Variants in CEP128 observed in about 807,000 individuals in gnomAD.
The protein encoded by CEP128 is centrosomal protein 128kDa.
Under a neutral mutation model 156.7 loss-of-function variants are expected in CEP128, and 132 were observed. That is an observed-to-expected ratio of 0.84 (90% confidence interval 0.73 to 0.97). CEP128 has a LOEUF of 0.97. Ranked by LOEUF, CEP128 falls within the 50% of genes least tolerant of loss-of-function variation. CEP128 has a pLI of 0.00. For synonymous variants in CEP128, 469 were observed against 448.9 expected (o/e 1.04, Z -0.57); for missense variants, 1,252 against 1,281.9 (o/e 0.98, Z 0.36).
chr14:80,881,081 G>A (rs1271632658), intron 8 of CEP128, among the ~76,000 whole-genome samples: 3 of 148,226 alleles, frequency 2.0e-5, no homozygotes, highest in Non-Finnish European at 4.5e-5. Flanking sequence ...AAAGATCAGA[G>A]TAGAAATAAA....
intron 19 of CEP128, among the ~76,000 whole-genome samples, chr14:80,586,012 C>T (rs543168412): frequency 2.6e-4 from 40 of 152,136 alleles, no homozygotes; most frequent in African/African-American, 8.4e-4. Flanking sequence ...CCAGAGATAA[C>T]GGGTCAGTTT....
chr14:80,675,777 A>T (rs994918378), intron 19 of CEP128, among the ~76,000 whole-genome samples: 1 of 152,040 alleles, frequency 6.6e-6, no homozygotes, highest in Non-Finnish European at 1.5e-5. Context: ...CATACTTTTA[A>T]ATATTTTCCC....
At chr14:80,636,859 G>A (rs1254802361) in intron 19 of CEP128, among the ~76,000 whole-genome samples, 2 of 152,056 alleles carry the variant, frequency 1.3e-5, no homozygotes, top group Non-Finnish European at 2.9e-5. Context: ...GGCCAACACG[G>A]GCAGATCACC....
At chr14:80,918,217 T>C (rs1054554716) in intron 2 of CEP128, among the ~76,000 whole-genome samples, 3 of 152,252 alleles carry the variant, frequency 2.0e-5, no homozygotes, top group Non-Finnish European at 1.5e-5. Flanking sequence ...GTATTTTCTT[T>C]AGAAGACAAG....
chr14:80,814,840 C>T (rs1884756960), intron 13 of CEP128, among the ~76,000 whole-genome samples: 1 of 152,158 alleles, frequency 6.6e-6, no homozygotes. Context: ...AGGCAAATCA[C>T]GAGGTCAGGA....
At chr14:80,505,458 A>G (rs920507843) in intron 23 of CEP128, among the ~76,000 whole-genome samples, 1 of 152,222 alleles carries the variant, frequency 6.6e-6, no homozygotes, top group African/African-American at 2.4e-5. Flanking sequence ...ACTGTGAGAA[A>G]TATCTTTAAA....
intron 20 of CEP128, among the ~76,000 whole-genome samples, chr14:80,576,163 G>A (rs191107527): frequency 3.9e-4 from 59 of 152,132 alleles, no homozygotes; most frequent in Non-Finnish European, 6.6e-4. Flanking sequence ...AACACCTACC[G>A]CTATTAGCCA....
chr14:80,513,956 G>T (rs968652596), intron 23 of CEP128, among the ~76,000 whole-genome samples: 1 of 152,050 alleles, frequency 6.6e-6, no homozygotes, highest in Non-Finnish European at 1.5e-5. Flanking sequence ...TAAAAGCCTA[G>T]CACCTTTTAA....
At chr14:80,871,077 A>G (rs1888003925) in intron 8 of CEP128, among the ~76,000 whole-genome samples, 1 of 152,088 alleles carries the variant, frequency 6.6e-6, no homozygotes, top group Non-Finnish European at 1.5e-5. Flanking sequence ...GAAGTCAGCA[A>G]TGTAAAATCT....
intron 19 of CEP128, among the ~76,000 whole-genome samples, chr14:80,716,681 T>A (rs558240213): frequency 1.2e-4 from 18 of 152,358 alleles, no homozygotes; most frequent in African/African-American, 4.3e-4. Flanking sequence ...TCCTTAAGGC[T>A]GTTGTAAACA....
At chr14:80,698,063 T>G (rs1896948582) in intron 19 of CEP128, among the ~76,000 whole-genome samples, 1 of 152,056 alleles carries the variant, frequency 6.6e-6, no homozygotes, top group Non-Finnish European at 1.5e-5. Context: ...TGACTTTGTA[T>G]TATATTAAAT....
chr14:80,745,373 G>A (rs1899046888), intron 18 of CEP128, among the ~76,000 whole-genome samples: 3 of 152,200 alleles, frequency 2.0e-5, no homozygotes, highest in South Asian at 2.1e-4. Flanking sequence ...CCAGTCTCAG[G>A]TAGTTCTTTG....
intron 21 of CEP128, among the ~76,000 whole-genome samples, chr14:80,555,369 T>C (rs999029618): frequency 7.9e-5 from 12 of 152,140 alleles, no homozygotes; most frequent in Non-Finnish European, 1.5e-4. Flanking sequence ...AAATAATTTT[T>C]GTTCACAGAC....
chr14:80,940,517 T>G (rs1012340602), intron 1 of CEP128, among the ~76,000 whole-genome samples: 10 of 151,956 alleles, frequency 6.6e-5, no homozygotes, highest in Non-Finnish European at 1.3e-4. Context: ...TAAAATATTT[T>G]TTTTTTTAAT....
intron 19 of CEP128, among the ~76,000 whole-genome samples, chr14:80,728,190 T>C (rs1238464326): frequency 6.6e-6 from 1 of 152,220 alleles, no homozygotes; most frequent in Non-Finnish European, 1.5e-5. Flanking sequence ...AATGAAATCA[T>C]GTCCTTTGCA....
At chr14:80,486,837 G>T (rs1305392698), downstream of CEP128, among the ~76,000 whole-genome samples, 1 of 152,088 alleles carries the variant, frequency 6.6e-6, no homozygotes, top group African/African-American at 2.4e-5. Context: ...GAGAGATTTT[G>T]TCACCACCAG....
intron 23 of CEP128, among the ~76,000 whole-genome samples, chr14:80,523,004 T>G (rs555120963): frequency 1.6e-4 from 24 of 152,370 alleles, no homozygotes; most frequent in Admixed American, 5.2e-4. Context: ...TCTAGAAAGC[T>G]GATCCTTTTT....
At position 80,699,915 on chromosome 14, in the gene CEP128, G is replaced by A. The variant is rs148214746; in HGVS notation, c.2806+43160C>T. ...TATGCCTGCAGCGTGTCTCCCTTAG[G>A]CAAGGAAGTAGTATATCTTCAAGCA... On this transcript the variant is annotated intron_variant, in intron 19 of 24. Coordinates refer to ENST00000555265, the MANE Select transcript of CEP128 (RefSeq NM_152446.5). Among the ~76,000 whole-genome samples the A allele has an allele frequency of 1.6e-3, 251 of 152,216 alleles. 2 individuals carry two copies. The highest frequency in any genetic ancestry group is 5.5e-3 in the African/African-American group (228 of 41,530).
At chr14:80,621,903 AT>A (rs1893495378) in intron 19 of CEP128, among the ~76,000 whole-genome samples, 1 of 152,156 alleles carries the variant, frequency 6.6e-6, no homozygotes, top group Non-Finnish European at 1.5e-5. Flanking sequence ...AGTGACTGTT[AT>A]GACAGCCCCA....
Sources: gnomAD v4.1 joint callset for allele counts (sites outside exome capture counted in the v4.1 genomes callset) on GRCh38, gnomAD v4.1.1 for gene constraint, MANE v1.5 for transcripts, NCBI Gene and HGNC (gene_info 2026-07-23, HGNC 2026-07-21) for gene names.